Variants in ARHGEF28 observed in about 807,000 individuals in gnomAD.
The protein encoded by ARHGEF28 is Rho guanine nucleotide exchange factor 28, also known as 190 kDa guanine nucleotide exchange factor.
A neutral mutation model predicts 206.6 loss-of-function variants in ARHGEF28; 152 were observed. The observed-to-expected ratio is 0.74, with a 90% CI of 0.64 to 0.84. ARHGEF28 has a LOEUF of 0.84. Among genes scored for constraint, ARHGEF28 ranks in the 40% least tolerant of loss-of-function variants. ARHGEF28 has a pLI of 0.00. For missense variants in ARHGEF28, 2,028 were observed against 2,073.2 expected (o/e 0.98, Z 0.42); for synonymous variants, 763 against 776.4 (o/e 0.98, Z 0.29).
chr5:73,741,796 A>T (rs890670409), intron 2 of ARHGEF28, among the ~76,000 whole-genome samples: 1 of 152,152 alleles, frequency 6.6e-6, no homozygotes, highest in Non-Finnish European at 1.5e-5. Context: ...ATATTAATAT[A>T]TGCATTTAAT....
chr5:73,870,788 A>G (rs1441567107), intron 21 of ARHGEF28, among the ~76,000 whole-genome samples: 3 of 152,194 alleles, frequency 2.0e-5, no homozygotes, highest in African/African-American at 7.2e-5. Context: ...GGCATTCTGG[A>G]TTGGAGAAAG....
intron 10 of ARHGEF28, among the ~76,000 whole-genome samples, chr5:73,833,132 A>T (rs1757404513): frequency 6.6e-6 from 1 of 152,160 alleles, no homozygotes; most frequent in Non-Finnish European, 1.5e-5. Flanking sequence ...TATTTATAAA[A>T]ATTATAGATC....
chr5:73,846,209 C>A, intron 11 of ARHGEF28, 59 bp from the exon 12 acceptor site: 2 of 1,490,148 alleles, frequency 1.3e-6, no homozygotes, highest in Non-Finnish European at 1.8e-6. Context: ...GAAGTAGAAA[C>A]CAATGACGCT....
chr5:73,790,727 A>G (rs1362571287), intron 7 of ARHGEF28, among the ~76,000 whole-genome samples: 1 of 152,106 alleles, frequency 6.6e-6, no homozygotes, highest in Admixed American at 6.6e-5. Context: ...ACAAACTTTC[A>G]AAGTGTGACA....
chr5:73,721,688 T>C (rs1749958476), intron 2 of ARHGEF28, among the ~76,000 whole-genome samples: 1 of 152,188 alleles, frequency 6.6e-6, no homozygotes, highest in African/African-American at 2.4e-5. Context: ...TCCTCCCACC[T>C]TGGCCTCCCA....
intron 9 of ARHGEF28, chr5:73,828,214 G>A (rs538403242): frequency 1.3e-5 from 2 of 152,286 alleles, no homozygotes; most frequent in African/African-American, 4.8e-5. Flanking sequence ...GTCTTCTGCT[G>A]GTTTTAAGCC....
chr5:73,792,161 TAAAG>T (rs1298488916), intron 7 of ARHGEF28, among the ~76,000 whole-genome samples: 1 of 152,228 alleles, frequency 6.6e-6, no homozygotes, highest in East Asian at 1.9e-4. Context: ...GATTTTTGGA[TAAAG>T]ACTTTCTACA....
At chr5:73,702,347 C>T (rs1748654265) in intron 2 of ARHGEF28, among the ~76,000 whole-genome samples, 1 of 152,110 alleles carries the variant, frequency 6.6e-6, no homozygotes, top group Admixed American at 6.6e-5. Context: ...TATTGTTGTG[C>T]TGCTGTTAGG....
chr5:73,626,824 G>C (rs1743041720), intron 1 of ARHGEF28, among the ~76,000 whole-genome samples: 1 of 152,232 alleles, frequency 6.6e-6, no homozygotes. Flanking sequence ...GGAAGCATCT[G>C]CTGTGTTTCA....
At chr5:73,813,653 G>C (rs759815130) in intron 9 of ARHGEF28, 12 of 1,535,558 alleles carry the variant, frequency 7.8e-6, no homozygotes, top group East Asian at 2.4e-5. Context: ...ATGAAGATTC[G>C]AAGAAGGACG....
At chr5:73,890,722 CA>C (rs1761572628) in intron 26 of ARHGEF28, among the ~76,000 whole-genome samples, 1 of 152,184 alleles carries the variant, frequency 6.6e-6, no homozygotes, top group Non-Finnish European at 1.5e-5. Flanking sequence ...AGTGAGGGAA[CA>C]GTGGCATGTT....
intron 35 of ARHGEF28, among the ~76,000 whole-genome samples, chr5:73,931,162 C>T (rs1308958034): frequency 2.0e-5 from 3 of 152,292 alleles, no homozygotes; most frequent in East Asian, 1.9e-4. Flanking sequence ...TTTCCTCCAG[C>T]CTGTTGCCAA....
intron 26 of ARHGEF28, among the ~76,000 whole-genome samples, chr5:73,891,665 C>T (rs575997908): frequency 6.6e-6 from 1 of 152,088 alleles, no homozygotes; most frequent in East Asian, 1.9e-4. Context: ...GCTGAGACTA[C>T]AGGCGCACAC....
chr5:73,737,544 T>G (rs1053576393), intron 2 of ARHGEF28, among the ~76,000 whole-genome samples: 2 of 146,536 alleles, frequency 1.4e-5, no homozygotes, highest in Non-Finnish European at 3.0e-5. Context: ...GGAGTTTTGC[T>G]CTTGTTGCCC....
intron 2 of ARHGEF28, among the ~76,000 whole-genome samples, chr5:73,724,207 C>A (rs188978933): frequency 1.3e-3 from 205 of 152,300 alleles, no homozygotes; most frequent in Non-Finnish European, 2.4e-3. Context: ...GCAAAATTCT[C>A]AAATCTCTGT....
At chr5:73,871,361 G>C (rs540856101) in intron 21 of ARHGEF28, among the ~76,000 whole-genome samples, 66 of 152,290 alleles carry the variant, frequency 4.3e-4, no homozygotes, top group Non-Finnish European at 8.5e-4. Flanking sequence ...GCTTAGCATA[G>C]AGTAGGCACT....
At chr5:73,773,558 A>G (rs927670089) in intron 4 of ARHGEF28, among the ~76,000 whole-genome samples, 32 of 152,304 alleles carry the variant, frequency 2.1e-4, no homozygotes, top group Admixed American at 5.9e-4. Context: ...GCTTCCCTAG[A>G]TGACTGCACT....
At chr5:73,766,108 T>C (rs908906484) in intron 4 of ARHGEF28, among the ~76,000 whole-genome samples, 19 of 150,598 alleles carry the variant, frequency 1.3e-4, no homozygotes, top group African/African-American at 4.4e-4. Context: ...GCTGAGACTG[T>C]GTGCCACTGC....
At chr5:73,788,207 C>G (rs1580618599) in intron 7 of ARHGEF28, among the ~76,000 whole-genome samples, 1 of 152,256 alleles carries the variant, frequency 6.6e-6, no homozygotes, top group Admixed American at 6.5e-5. Flanking sequence ...AGGTTAGTTT[C>G]TTTCTTGAGT....
Sources: gnomAD v4.1 joint callset for allele counts (sites outside exome capture counted in the v4.1 genomes callset) on GRCh38, gnomAD v4.1.1 for gene constraint, MANE v1.5 for transcripts, NCBI Gene and HGNC (gene_info 2026-07-23, HGNC 2026-07-21) for gene names.